Variants in NKAIN3 observed in about 807,000 individuals in gnomAD.
The protein encoded by NKAIN3 is sodium/potassium-transporting ATPase subunit beta-1-interacting protein 3.
Under a neutral mutation model 30.2 loss-of-function variants are expected in NKAIN3, and 25 were observed. The observed-to-expected ratio is 0.83, with a 90% CI of 0.60 to 1.16. NKAIN3 has a LOEUF of 1.16. Ranked by LOEUF, NKAIN3 falls within the 50% of genes most tolerant of loss-of-function variation. NKAIN3 has a pLI of 0.00. For missense variants in NKAIN3, 225 were observed against 254.1 expected (o/e 0.89, Z 0.78); for synonymous variants, 91 against 89.6 (o/e 1.02, Z -0.09).
intron 1 of NKAIN3, among the ~76,000 whole-genome samples, chr8:62,529,022 G>T (rs1416839156): frequency 3.3e-5 from 5 of 152,040 alleles, no homozygotes; most frequent in Non-Finnish European, 5.9e-5. Context: ...TGAAACCAAG[G>T]CCCCTTTTCA....
chr8:62,844,887 C>G (rs1029632347), intron 4 of NKAIN3, among the ~76,000 whole-genome samples: 1 of 152,002 alleles, frequency 6.6e-6, no homozygotes, highest in Non-Finnish European at 1.5e-5. Flanking sequence ...GCATCACCAA[C>G]ACGAATCATA....
At position 62,248,877 on chromosome 8, in the gene NKAIN3, C is replaced by T; in HGVS notation, c.-197C>T. The T allele has an allele frequency of 3.7e-6, 2 of 538,450 alleles. No homozygotes were observed. Among genetic ancestry groups the T allele is most frequent in the Non-Finnish European group, 6.4e-6 (2 of 312,078 alleles). The allele number at this position is 538,450 out of a possible 1,614,324, so 33.4% of individuals were successfully genotyped here. On this transcript the variant is annotated 5_prime_UTR_variant, in exon 1 of 7. Coordinates refer to ENST00000623646, the MANE Select transcript of NKAIN3 (RefSeq NM_001304533.3). ...CCGCCAGACGCTCGGGTCGTGCGCA[C>T]CGCACTGACCTCGGCCCGCCCCGCC...
intron 3 of NKAIN3, among the ~76,000 whole-genome samples, chr8:62,673,590 T>C (rs897725831): frequency 2.0e-5 from 3 of 152,224 alleles, no homozygotes; most frequent in Non-Finnish European, 2.9e-5. Context: ...GGATACATCC[T>C]AAGAAATGTG....
intron 1 of NKAIN3, among the ~76,000 whole-genome samples, chr8:62,513,846 G>A (rs1402488254): frequency 5.9e-5 from 6 of 101,892 alleles, no homozygotes; most frequent in Non-Finnish European, 1.1e-4. Flanking sequence ...GCAACAGAGT[G>A]AAACCTGTCT....
intron 4 of NKAIN3, chr8:62,855,273 G>A: frequency 2.0e-6 from 1 of 488,214 alleles, no homozygotes. Flanking sequence ...TGGCCACAGT[G>A]TGGAAGGGCA....
intron 4 of NKAIN3, among the ~76,000 whole-genome samples, chr8:62,808,921 C>G (rs538410081): frequency 1.3e-5 from 2 of 152,084 alleles, no homozygotes; most frequent in Non-Finnish European, 2.9e-5. Flanking sequence ...GGCCTGGGAG[C>G]GCTACGGGAG....
chr8:62,433,768 G>A (rs80030725), intron 1 of NKAIN3, among the ~76,000 whole-genome samples: 1 of 151,988 alleles, frequency 6.6e-6, no homozygotes, highest in Non-Finnish European at 1.5e-5. Context: ...TAAATTAATT[G>A]GATTAAGAGG....
chr8:62,355,903 T>G (rs1816337353), intron 1 of NKAIN3, among the ~76,000 whole-genome samples: 1 of 152,220 alleles, frequency 6.6e-6, no homozygotes, highest in Non-Finnish European at 1.5e-5. Context: ...ATTAGAAAGC[T>G]TTGTTTTTAC....
At chr8:62,583,303 C>A (rs979504828) in intron 2 of NKAIN3, among the ~76,000 whole-genome samples, 1 of 152,072 alleles carries the variant, frequency 6.6e-6, no homozygotes, top group Non-Finnish European at 1.5e-5. Flanking sequence ...TAGAGGAAGG[C>A]AGTTTTAGGT....
intron 4 of NKAIN3, among the ~76,000 whole-genome samples, chr8:62,907,630 G>A (rs908337077): frequency 5.9e-5 from 9 of 152,266 alleles, no homozygotes; most frequent in African/African-American, 2.2e-4. Context: ...CCCAGTTGTG[G>A]CTAAAAGGGG....
chr8:62,823,565 A>C (rs1818919966), intron 4 of NKAIN3, among the ~76,000 whole-genome samples: 1 of 152,200 alleles, frequency 6.6e-6, no homozygotes, highest in Non-Finnish European at 1.5e-5. Flanking sequence ...CAACAAAAAG[A>C]AGAATGTTGC....
rs201511724 is a variant in NKAIN3, at chr8:62,454,301, C to CAAAAAAAAAAAAAAAAAAA, written c.55-125234_55-125216dup. 3.8e-3 allele frequency among the ~76,000 whole-genome samples: 214 copies of CAAAAAAAAAAAAAAAAAAA among 56,136 alleles called. 28 individuals carry two copies. The highest frequency in any genetic ancestry group is 6.2e-3 in the Non-Finnish European group (160 of 25,988). 36.8% of individuals were successfully genotyped at this position (56,136 alleles called of 152,430 possible). A position where few individuals can be genotyped will look rare whatever the true frequency, so the allele number is the denominator to read the frequency against. ...ACCAACACTAACAATAGCTGATGTG[C>CAAAAAAAAAAAAAAAAAAA]AAAAAAAAAAAAAAAAAAAAAATCT... is the stretch of plus-strand genomic sequence containing the variant. On this transcript the variant is annotated intron_variant, in intron 1 of 6. Transcript: ENST00000623646.
At chr8:62,881,765 C>G (rs983109750) in intron 4 of NKAIN3, among the ~76,000 whole-genome samples, 7 of 152,180 alleles carry the variant, frequency 4.6e-5, no homozygotes, top group African/African-American at 1.7e-4. Flanking sequence ...GGCGTGATTG[C>G]TGGATCATAT....
intron 4 of NKAIN3, among the ~76,000 whole-genome samples, chr8:62,805,566 T>G (rs1157054354): frequency 6.6e-6 from 1 of 152,090 alleles, no homozygotes; most frequent in Non-Finnish European, 1.5e-5. Flanking sequence ...ATTCCCTATT[T>G]AATAAATGGT....
chr8:62,386,937 G>A (rs1381315422), intron 1 of NKAIN3, among the ~76,000 whole-genome samples: 2 of 151,486 alleles, frequency 1.3e-5, no homozygotes, highest in Middle Eastern at 3.4e-3. Flanking sequence ...GAGAGAGAGA[G>A]AGAGAAAGAG....
chr8:62,918,443 C>A lies in NKAIN3; in HGVS notation c.472-10C>A, dbSNP rs767379004. The A allele has an allele frequency of 6.2e-7, 1 of 1,607,326 alleles. No homozygotes were observed. ...AGATTCTTAAGGTACACATTTTTTC[C>A]CTTTTGCAGTTGGTGGGTTTTGTGT... On this transcript the variant is annotated splice_polypyrimidine_tract_variant and intron_variant, in intron 4 of 6. Transcript: ENST00000623646.
At chr8:62,609,603 T>C (rs1811226231) in intron 3 of NKAIN3, among the ~76,000 whole-genome samples, 1 of 151,930 alleles carries the variant, frequency 6.6e-6, no homozygotes, top group African/African-American at 2.4e-5. Flanking sequence ...ACATAATATA[T>C]AAATAAATAA....
chr8:62,492,254 A>G (rs1458648001), intron 1 of NKAIN3, among the ~76,000 whole-genome samples: 2 of 152,136 alleles, frequency 1.3e-5, no homozygotes, highest in Admixed American at 6.5e-5. Flanking sequence ...TCTTTTCTCC[A>G]CAAGTGTAGA....
At chr8:62,484,898 G>A (rs1436482451) in intron 1 of NKAIN3, among the ~76,000 whole-genome samples, 1 of 152,188 alleles carries the variant, frequency 6.6e-6, no homozygotes, top group East Asian at 1.9e-4. Context: ...CTCAGTCCAG[G>A]TGTAGGCCAG....
Sources: gnomAD v4.1 joint callset for allele counts (sites outside exome capture counted in the v4.1 genomes callset) on GRCh38, gnomAD v4.1.1 for gene constraint, MANE v1.5 for transcripts, NCBI Gene and HGNC (gene_info 2026-07-23, HGNC 2026-07-21) for gene names.